The following ATG10 variants were observed in gnomAD, a reference collection of about 807,000 sequenced individuals.
ATG10 encodes the protein autophagy related 10, also known as ubiquitin-like-conjugating enzyme ATG10.
Under a neutral mutation model 32.1 loss-of-function variants are expected in ATG10, and 30 were observed. The observed-to-expected ratio is 0.94, with a 90% CI of 0.70 to 1.27. ATG10 has a LOEUF of 1.27. ATG10 is among the 50% of genes most tolerant of loss of function. The probability of loss-of-function intolerance (pLI) is 0.00; values close to 1 mark genes in which losing one functional copy is unlikely to be tolerated. For synonymous variants in ATG10, 87 were observed against 91.5 expected (o/e 0.95, Z 0.28); for missense variants, 233 against 262.3 (o/e 0.89, Z 0.77).
intron 3 of ATG10, among the ~76,000 whole-genome samples, chr5:82,069,681 T>C (rs2562529): frequency 0.23 from 35,337 of 152,026 alleles, 4,378 homozygotes; most frequent in South Asian, 0.36. Context: ...CTCAATATAC[T>C]GCGAACTTAA....
At chr5:82,081,542 T>G (rs1355392659) in intron 3 of ATG10, among the ~76,000 whole-genome samples, 1 of 152,248 alleles carries the variant, frequency 6.6e-6, no homozygotes, top group Non-Finnish European at 1.5e-5. Context: ...CATGAATACC[T>G]AATTTATTGA....
chr5:82,139,991 G>A (rs1157089055), intron 3 of ATG10, among the ~76,000 whole-genome samples: 36 of 121,368 alleles, frequency 3.0e-4, no homozygotes, highest in East Asian at 8.1e-4. Flanking sequence ...GGTGAGGGGC[G>A]CCTCTGCCCG....
chr5:82,045,103 C>A (rs901758611), intron 2 of ATG10, among the ~76,000 whole-genome samples: 2 of 152,168 alleles, frequency 1.3e-5, no homozygotes, highest in Admixed American at 6.5e-5. Flanking sequence ...TATTTCTCTT[C>A]TCTCAGAGAT....
At position 82,229,750 on chromosome 5, in the gene ATG10, A is replaced by G. The variant is rs79922646; in HGVS notation, c.454-22812A>G. Among the ~76,000 whole-genome samples the G allele has an allele frequency of 6.3e-3, 966 of 152,256 alleles. 52 individuals carry two copies. The East Asian group carries it at 0.14, about 23-fold the overall frequency. ...CAGTCCTCCATGTCTGCAGGTGTCC[A>G]TATCTGTGGACATGGAGGGCCAACT... On this transcript the variant is annotated intron_variant, in intron 5 of 7. Transcript: ENST00000282185.
intron 2 of ATG10, among the ~76,000 whole-genome samples, chr5:82,037,494 G>A (rs961005095): frequency 6.6e-6 from 1 of 151,182 alleles, no homozygotes; most frequent in Non-Finnish European, 1.5e-5. Context: ...TGATCCGCCC[G>A]CCTCGGCCTC....
chr5:82,246,521 TAA>T (rs59365825), intron 5 of ATG10, among the ~76,000 whole-genome samples: 137 of 141,378 alleles, frequency 9.7e-4, no homozygotes, highest in Admixed American at 5.9e-3. Flanking sequence ...CTTTATCTCT[TAA>T]AAAAAAAAAA....
At chr5:82,018,248 C>T (rs963809627) in intron 2 of ATG10, among the ~76,000 whole-genome samples, 4 of 152,110 alleles carry the variant, frequency 2.6e-5, no homozygotes, top group African/African-American at 9.7e-5. Flanking sequence ...CTGGAACTAT[C>T]TTTAACTCCT....
intron 2 of ATG10, among the ~76,000 whole-genome samples, chr5:81,996,009 C>T (rs1259595887): frequency 2.6e-5 from 4 of 152,212 alleles, no homozygotes; most frequent in East Asian, 1.9e-4. Context: ...GATTCTGCTG[C>T]GATTGCTAAA....
At chr5:82,101,931 T>G (rs564607170) in intron 3 of ATG10, among the ~76,000 whole-genome samples, 1 of 152,350 alleles carries the variant, frequency 6.6e-6, no homozygotes, top group South Asian at 2.1e-4. Flanking sequence ...AAGTGAACAC[T>G]TAGTACACAA....
At chr5:82,054,299 T>C (rs1415788517) in intron 2 of ATG10, among the ~76,000 whole-genome samples, 1 of 152,198 alleles carries the variant, frequency 6.6e-6, no homozygotes, top group African/African-American at 2.4e-5. Context: ...GCCTCAGTGC[T>C]TCCAAAATGT....
intron 3 of ATG10, among the ~76,000 whole-genome samples, chr5:82,080,554 G>T (rs1021539165): frequency 2.0e-5 from 3 of 152,186 alleles, no homozygotes; most frequent in African/African-American, 7.2e-5. Flanking sequence ...GTGTAAGGAA[G>T]GGATCCACTT....
intron 5 of ATG10, among the ~76,000 whole-genome samples, chr5:82,213,747 C>A (rs147437124): frequency 5.4e-4 from 82 of 152,302 alleles, no homozygotes; most frequent in African/African-American, 1.8e-3. Flanking sequence ...GAATTCATGT[C>A]TTTTATGCCT....
At chr5:81,975,781 G>A (rs539736120) in intron 1 of ATG10, among the ~76,000 whole-genome samples, 1 of 150,518 alleles carries the variant, frequency 6.6e-6, no homozygotes. Context: ...TTTCTTTTTT[G>A]TTTTTTATTG....
intron 3 of ATG10, among the ~76,000 whole-genome samples, chr5:82,118,503 A>G (rs918937539): frequency 6.6e-6 from 1 of 150,672 alleles, no homozygotes; most frequent in African/African-American, 2.4e-5. Context: ...TTTGTTTACT[A>G]AATTTTGTAT....
chr5:82,164,307 T>C, intron 3 of ATG10, 92 bp from the exon 4 acceptor site: 3 of 1,268,182 alleles, frequency 2.4e-6, no homozygotes, highest in Non-Finnish European at 2.2e-6. Flanking sequence ...TTAACTGTTA[T>C]TTTGTGAGAA....
At position 82,055,763 on chromosome 5, in the gene ATG10, G is replaced by A. The variant is rs115342166; in HGVS notation, c.109-2732G>A. 5.9e-3 allele frequency among the ~76,000 whole-genome samples: 896 copies of A among 152,272 alleles called. 3 individuals carry two copies. Among genetic ancestry groups the A allele is most frequent in the Non-Finnish European group, 9.4e-3 (641 of 68,022 alleles). On this transcript the variant is annotated intron_variant, in intron 2 of 7. Coordinates refer to ENST00000282185, the MANE Select transcript of ATG10 (RefSeq NM_031482.5). The stretch of plus-strand genomic sequence containing the variant: ...TTACCGTATAGTCATGCTGCATAAT[G>A]ACATTTCGGTCAAGAACAGACCACA...
At chr5:82,056,267 G>A (rs755479327) in intron 2 of ATG10, among the ~76,000 whole-genome samples, 2 of 152,202 alleles carry the variant, frequency 1.3e-5, no homozygotes, top group Non-Finnish European at 2.9e-5. Flanking sequence ...AAGCAAAGAA[G>A]GGACTTTTTG....
At chr5:82,205,187 T>C (rs1745243084) in intron 5 of ATG10, among the ~76,000 whole-genome samples, 1 of 152,174 alleles carries the variant, frequency 6.6e-6, no homozygotes, top group Non-Finnish European at 1.5e-5. Context: ...AAGACTGAAA[T>C]GTGCCCATTG....
chr5:82,068,486 A>G lies in ATG10; in HGVS notation c.216+9884A>G, dbSNP rs186585152. 1.1e-4 allele frequency among the ~76,000 whole-genome samples: 17 copies of G among 152,060 alleles called. 1 individual carries two copies. The East Asian group carries it at 3.3e-3, about 29-fold the overall frequency. On this transcript the variant is annotated intron_variant, in intron 3 of 7. Transcript: ENST00000282185. ...TGGGTGCAGCAAACCACCATTTCAC[A>G]TGTATAACTGTGTAACAAACCTGCA...
Sources: allele counts gnomAD v4.1 joint callset (sites outside exome capture counted in the v4.1 genomes callset), GRCh38; gene constraint gnomAD v4.1.1; transcripts MANE v1.5; gene names NCBI Gene and HGNC (gene_info 2026-07-23, HGNC 2026-07-21).